The following SH2D4A variants were observed in gnomAD, a reference collection of about 807,000 sequenced individuals.
The protein encoded by SH2D4A is SH2 domain-containing protein 4A.
In SH2D4A, 70 loss-of-function variants were observed where a neutral mutation model predicts 64.7. The ratio of observed to expected loss-of-function variants is 1.08; its 90% CI spans 0.89 to 1.32. The LOEUF (loss-of-function observed/expected upper bound fraction) is 1.32, where lower values mean the gene tolerates loss of function less well. Ranked by LOEUF, SH2D4A falls within the 40% of genes most tolerant of loss-of-function variation. The pLI, the probability that SH2D4A is intolerant of heterozygous loss-of-function variation, is 0.00. For missense variants in SH2D4A, 706 were observed against 540.1 expected (o/e 1.31, Z -3.04); for synonymous variants, 268 against 200.7 (o/e 1.34, Z -2.83).
chr8:19,394,816 G>C lies in SH2D4A; in HGVS notation c.*174G>C. The C allele has an allele frequency of 2.4e-6, 1 of 412,592 alleles. No individual in the cohort carries two copies. The highest frequency in any genetic ancestry group is 3.6e-5 in the East Asian group (1 of 27,750). The allele number at this position is 412,592 out of a possible 1,614,324, so 25.6% of individuals were successfully genotyped here. ...ACACCTCTTTTCTGCACAAATACTG[G>C]AATTCAATGTCAAGAGAAAATGACC... On this transcript the variant is annotated 3_prime_UTR_variant, in exon 10 of 10. Coordinates refer to ENST00000265807, the MANE Select transcript of SH2D4A (RefSeq NM_022071.4).
intron 7 of SH2D4A, among the ~76,000 whole-genome samples, chr8:19,370,996 T>C (rs1362626816): frequency 6.6e-6 from 1 of 152,180 alleles, no homozygotes; most frequent in Non-Finnish European, 1.5e-5. Flanking sequence ...AAAAAAACTG[T>C]ACACTTTACC....
At position 19,394,857 on chromosome 8, in the gene SH2D4A, G is replaced by T; in HGVS notation, c.*215G>T. On this transcript the variant is annotated 3_prime_UTR_variant, in exon 10 of 10. Coordinates refer to ENST00000265807, the MANE Select transcript of SH2D4A (RefSeq NM_022071.4). ...GAAAATGACCTCTGCTCAAAAGGGA[G>T]AAGAGTCTCAATTTCAGCAAGTACC... 1 of 385,182 alleles carries T rather than the reference G, an allele frequency of 2.6e-6. No individual in the cohort carries two copies. The highest frequency in any genetic ancestry group is 4.6e-6 in the Non-Finnish European group (1 of 216,480). The allele number at this position is 385,182 out of a possible 1,614,324, so 23.9% of individuals were successfully genotyped here.
intron 8 of SH2D4A, among the ~76,000 whole-genome samples, chr8:19,384,877 A>G (rs944530793): frequency 2.6e-5 from 4 of 152,202 alleles, no homozygotes; most frequent in Non-Finnish European, 5.9e-5. Flanking sequence ...ACTGGCAGGG[A>G]CTGGGAGTGG....
chr8:19,342,770 CCCT>C (rs2052548930), intron 4 of SH2D4A, among the ~76,000 whole-genome samples: 1 of 152,152 alleles, frequency 6.6e-6, no homozygotes, highest in East Asian at 1.9e-4. Flanking sequence ...TGGGCTTTTC[CCCT>C]CCACTAGCAG....
chr8:19,319,993 A>G (rs1563182092), intron 2 of SH2D4A, among the ~76,000 whole-genome samples: 1 of 152,136 alleles, frequency 6.6e-6, no homozygotes, highest in Non-Finnish European at 1.5e-5. Context: ...AAAGTCACCT[A>G]TGAGGTTTGA....
intron 1 of SH2D4A, among the ~76,000 whole-genome samples, chr8:19,316,831 T>C (rs1436904266): frequency 6.6e-6 from 1 of 152,220 alleles, no homozygotes; most frequent in Admixed American, 6.5e-5. Context: ...ACCTGTGCTC[T>C]ATCTTCCTAA....
chr8:19,355,651 G>A (rs74733883), intron 4 of SH2D4A, among the ~76,000 whole-genome samples: 1,966 of 152,288 alleles, frequency 0.013, 19 homozygotes, highest in Non-Finnish European at 0.02. Flanking sequence ...ACTCACCTGA[G>A]ACTTGGTTTC....
At chr8:19,384,930 T>C (rs2053359138) in intron 8 of SH2D4A, among the ~76,000 whole-genome samples, 1 of 152,220 alleles carries the variant, frequency 6.6e-6, no homozygotes, top group South Asian at 2.1e-4. Context: ...AAGTTTATGA[T>C]TTAGACAAAA....
intron 3 of SH2D4A, 133 bp downstream of exon 3, chr8:19,333,247 A>T (rs1321660142): frequency 1.0e-6 from 1 of 972,630 alleles, no homozygotes. Context: ...GTCACTTTGG[A>T]TCTCTTTGGA....
At chr8:19,333,975 G>A (rs865942961) in intron 3 of SH2D4A, among the ~76,000 whole-genome samples, 7 of 152,252 alleles carry the variant, frequency 4.6e-5, no homozygotes, top group Middle Eastern at 3.4e-3. Context: ...TTAGGAGTTT[G>A]GAACTTATTC....
chr8:19,338,857 A>T (rs2052484143), intron 4 of SH2D4A, among the ~76,000 whole-genome samples: 1 of 152,240 alleles, frequency 6.6e-6, no homozygotes, highest in African/African-American at 2.4e-5. Context: ...TAAGTGAGGT[A>T]TTGTATTGGT....
chr8:19,383,139 A>G (rs1307083094), intron 8 of SH2D4A, among the ~76,000 whole-genome samples: 4 of 148,972 alleles, frequency 2.7e-5, no homozygotes, highest in African/African-American at 1.0e-4. Context: ...ATTTCTTCAA[A>G]TACTCTCTCT....
intron 4 of SH2D4A, 121 bp from the exon 5 acceptor site, chr8:19,357,082 G>C: frequency 1.3e-6 from 1 of 744,822 alleles, no homozygotes; most frequent in Non-Finnish European, 2.3e-6. Context: ...TGGGAGCCTT[G>C]GGTGGATCCA....
intron 2 of SH2D4A, among the ~76,000 whole-genome samples, chr8:19,322,647 T>TTAAAAAA (rs2117180265): frequency 6.8e-6 from 1 of 148,006 alleles, no homozygotes; most frequent in East Asian, 2.0e-4. Context: ...GACAGAGTCT[T>TTAAAAAA]GCTCTGTCTC....
rs957923083 is a variant in SH2D4A, at chr8:19,313,748, C to T, written c.-280C>T. The T allele has an allele frequency of 6.6e-7, 1 of 1,509,856 alleles. No homozygotes were observed. The highest frequency in any genetic ancestry group is 8.8e-7 in the Non-Finnish European group (1 of 1,134,722). 93.5% of individuals were successfully genotyped at this position (1,509,856 alleles called of 1,614,324 possible). A position where few individuals can be genotyped will look rare whatever the true frequency, so the allele number is the denominator to read the frequency against. On this transcript the variant is annotated 5_prime_UTR_variant, in exon 1 of 10. Transcript: ENST00000265807. The stretch of plus-strand genomic sequence containing the variant: ...GACGCCTCTGCCTTTCCCTCCCTCC[C>T]TTCCCCGACGGCTTCTGGCGGCCAA...
At chr8:19,338,562 G>C (rs1445508601) in intron 4 of SH2D4A, among the ~76,000 whole-genome samples, 1 of 152,178 alleles carries the variant, frequency 6.6e-6, no homozygotes, top group Non-Finnish European at 1.5e-5. Context: ...ATAGGATAAT[G>C]ATCAGAGACA....
At chr8:19,317,747 A>G (rs977924126) in intron 1 of SH2D4A, among the ~76,000 whole-genome samples, 12 of 152,288 alleles carry the variant, frequency 7.9e-5, no homozygotes, top group Admixed American at 2.6e-4. Context: ...AACCAACAAC[A>G]CTACGATGGT....
At chr8:19,340,859 G>C (rs986611715) in intron 4 of SH2D4A, among the ~76,000 whole-genome samples, 7 of 152,010 alleles carry the variant, frequency 4.6e-5, no homozygotes, top group Non-Finnish European at 8.8e-5. Flanking sequence ...CAGCCTCCCA[G>C]AGTGCTGGAA....
intron 1 of SH2D4A, among the ~76,000 whole-genome samples, chr8:19,314,372 A>C (rs572302514): frequency 1.3e-5 from 2 of 151,942 alleles, no homozygotes; most frequent in Non-Finnish European, 2.9e-5. Context: ...TTCCCCGCGC[A>C]CCGGCACCCA....
Sources: allele counts gnomAD v4.1 joint callset (sites outside exome capture counted in the v4.1 genomes callset), GRCh38; gene constraint gnomAD v4.1.1; transcripts MANE v1.5; gene names NCBI Gene and HGNC (gene_info 2026-07-23, HGNC 2026-07-21).